DGKB: variants seen among roughly 807,000 people sequenced by gnomAD.
DGKB encodes 90 kDa diacylglycerol kinase.
DGKB carries 67 observed loss-of-function variants against 114.3 expected under a neutral mutation model. That is an observed-to-expected ratio of 0.59 (90% CI 0.48 to 0.72). The LOEUF is 0.72. DGKB is among the 30% of genes least tolerant of loss of function. The pLI, the probability that DGKB is intolerant of heterozygous loss-of-function variation, is 0.00. For missense variants in DGKB, 907 were observed against 975.2 expected (o/e 0.93, Z 0.93); for synonymous variants, 398 against 323.1 (o/e 1.23, Z -2.49).
In DGKB at chr7:14,471,270, G is replaced by A. The variant is rs1159683008; in HGVS notation, c.1835+6891C>T. Among the ~76,000 whole-genome samples, 2 of 144,926 alleles carry A rather than the reference G, an allele frequency of 1.4e-5. 1 individual carries two copies. The highest frequency in any genetic ancestry group is 5.1e-5 in the African/African-American group (2 of 39,230). On this transcript the variant is annotated intron_variant, in intron 21 of 25. Coordinates refer to ENST00000402815, the MANE Select transcript of DGKB (RefSeq NM_001350709.2). ...ATACATATATGTGTATGGAATATAT[G>A]TGTATACATACATATATGTATGGAA...
chr7:14,618,149 C>A (rs1254349805), intron 15 of DGKB, among the ~76,000 whole-genome samples: 3 of 151,344 alleles, frequency 2.0e-5, no homozygotes, highest in African/African-American at 7.3e-5. Flanking sequence ...CGTACACACA[C>A]ATACATCAAA....
At chr7:14,925,434 G>A (rs1324203091) in intron 1 of DGKB, among the ~76,000 whole-genome samples, 1 of 152,114 alleles carries the variant, frequency 6.6e-6, no homozygotes, top group African/African-American at 2.4e-5. Context: ...TATTCCAGAT[G>A]CAAGGCTTTG....
At chr7:14,412,169 AC>A (rs1824993854) in intron 21 of DGKB, among the ~76,000 whole-genome samples, 2 of 152,170 alleles carry the variant, frequency 1.3e-5, no homozygotes, top group South Asian at 4.1e-4. Context: ...ATAAACATTC[AC>A]CTATTCAGAA....
chr7:14,822,532 T>A (rs1036281382), intron 2 of DGKB, among the ~76,000 whole-genome samples: 13 of 152,152 alleles, frequency 8.5e-5, no homozygotes, highest in African/African-American at 3.1e-4. Context: ...TATTGACCAT[T>A]AGAACCTTAG....
At chr7:14,840,337 C>T (rs1169633965) in intron 2 of DGKB, among the ~76,000 whole-genome samples, 1 of 152,066 alleles carries the variant, frequency 6.6e-6, no homozygotes, top group Non-Finnish European at 1.5e-5. Context: ...CTGTACTCAT[C>T]ATTTTCCAAG....
At chr7:14,269,429 A>C (rs1487563771) in intron 23 of DGKB, among the ~76,000 whole-genome samples, 1 of 152,216 alleles carries the variant, frequency 6.6e-6, no homozygotes, top group East Asian at 1.9e-4. Flanking sequence ...CCAAGAATCA[A>C]CTTAAATGGT....
At chr7:14,311,616 G>A (rs1399790639) in intron 23 of DGKB, among the ~76,000 whole-genome samples, 1 of 152,066 alleles carries the variant, frequency 6.6e-6, no homozygotes, top group African/African-American at 2.4e-5. Flanking sequence ...TGTAGAGACA[G>A]AGTTTTGCCA....
intron 4 of DGKB, among the ~76,000 whole-genome samples, chr7:14,753,073 A>G (rs1267668040): frequency 6.6e-6 from 1 of 152,188 alleles, no homozygotes; most frequent in Non-Finnish European, 1.5e-5. Context: ...TAGGATCTGT[A>G]TCTAAGTCCA....
chr7:14,345,665 A>G (rs17168080), intron 21 of DGKB, among the ~76,000 whole-genome samples: 21,693 of 151,592 alleles, frequency 0.14, 1,992 homozygotes, highest in East Asian at 0.36. Flanking sequence ...AACGGTTTTA[A>G]TGCTCATGAT....
At chr7:14,748,637 A>T (rs1833703606) in intron 4 of DGKB, among the ~76,000 whole-genome samples, 1 of 152,220 alleles carries the variant, frequency 6.6e-6, no homozygotes, top group Admixed American at 6.5e-5. Flanking sequence ...GGCAGAGCAT[A>T]CAGGATATTA....
chr7:14,589,064 C>T lies in DGKB; in HGVS notation c.1434-5927G>A, dbSNP rs148955136. Among the ~76,000 whole-genome samples, 533 of 151,988 alleles carry T rather than the reference C, an allele frequency of 3.5e-3. 4 individuals are homozygous for T. Among genetic ancestry groups the T allele is most frequent in the African/African-American group, 0.012 (512 of 41,484 alleles). Reference sequence around the variant, plus strand: ...GATTTATTTACATATTCTTTAATATCCTTCAACAAAGATATAAATTTTCTA... The same window carrying T: ...GATTTATTTACATATTCTTTAATATTCTTCAACAAAGATATAAATTTTCTA... On this transcript the variant is annotated intron_variant, in intron 17 of 25. Transcript: ENST00000402815.
chr7:14,740,034 G>T (rs1832342842), intron 4 of DGKB, among the ~76,000 whole-genome samples: 1 of 152,230 alleles, frequency 6.6e-6, no homozygotes, highest in African/African-American at 2.4e-5. Context: ...CTGAGCCGCA[G>T]CTGCTGCCCA....
intron 1 of DGKB, among the ~76,000 whole-genome samples, chr7:14,847,352 A>G (rs1848778528): frequency 6.6e-6 from 1 of 152,114 alleles, no homozygotes; most frequent in South Asian, 2.1e-4. Flanking sequence ...CAAAGGTCAT[A>G]AACTCCAAAC....
intron 1 of DGKB, among the ~76,000 whole-genome samples, chr7:14,896,738 T>G (rs1158864667): frequency 1.3e-5 from 2 of 151,820 alleles, no homozygotes; most frequent in Non-Finnish European, 2.9e-5. Flanking sequence ...GTTACTTGCT[T>G]AAATTCATCC....
At chr7:14,591,273 A>C (rs931625007) in intron 17 of DGKB, among the ~76,000 whole-genome samples, 16 of 152,154 alleles carry the variant, frequency 1.1e-4, no homozygotes, top group Admixed American at 8.5e-4. Context: ...CTTTTTACCT[A>C]TCAGTTCCAC....
At chr7:14,857,323 A>G (rs1225356537) in intron 1 of DGKB, among the ~76,000 whole-genome samples, 3 of 142,428 alleles carry the variant, frequency 2.1e-5, no homozygotes. Flanking sequence ...CCACAGGTTC[A>G]AGGGAATACA....
At chr7:14,592,309 G>A (rs936981140) in intron 17 of DGKB, among the ~76,000 whole-genome samples, 3 of 151,690 alleles carry the variant, frequency 2.0e-5, no homozygotes, top group Non-Finnish European at 2.9e-5. Context: ...CTTTTTCCTC[G>A]TTCTTGTTTA....
chr7:14,925,489 T>C (rs1038565964), intron 1 of DGKB, among the ~76,000 whole-genome samples: 1 of 152,194 alleles, frequency 6.6e-6, no homozygotes, highest in African/African-American at 2.4e-5. Flanking sequence ...GGTCAATTTA[T>C]GGAGTATTGA....
chr7:14,749,268 T>C (rs1256820335), intron 4 of DGKB, among the ~76,000 whole-genome samples: 5 of 152,152 alleles, frequency 3.3e-5, no homozygotes, highest in African/African-American at 1.2e-4. Context: ...TTCAGAGAGT[T>C]CCTTGATAGT....
Sources: allele counts gnomAD v4.1 joint callset (sites outside exome capture counted in the v4.1 genomes callset), GRCh38; gene constraint gnomAD v4.1.1; transcripts MANE v1.5; gene names NCBI Gene and HGNC (gene_info 2026-07-23, HGNC 2026-07-21).